The following CHD9 variants were observed in gnomAD, a reference collection of about 807,000 sequenced individuals.
The protein encoded by CHD9 is chromodomain helicase DNA binding protein 9, also known as ATP-dependent chromatin remodeler CHD9.
In CHD9, 77 loss-of-function variants were observed where a neutral mutation model predicts 316.1. That is an observed-to-expected ratio of 0.24 (90% CI 0.20 to 0.29). The LOEUF is 0.29. CHD9 is among the 10% of genes least tolerant of loss of function. The pLI is 1.00. For missense variants in CHD9, 2,763 were observed against 3,438.1 expected (o/e 0.80, Z 4.91); for synonymous variants, 1,129 against 1,158.3 (o/e 0.97, Z 0.51).
chr16:53,147,633 T>C (rs2152726328), intron 1 of CHD9, among the ~76,000 whole-genome samples: 1 of 152,372 alleles, frequency 6.6e-6, no homozygotes. Flanking sequence ...TGCCTGCTAA[T>C]ATCTCTGAAC....
intron 1 of CHD9, among the ~76,000 whole-genome samples, chr16:53,148,656 G>A (rs1196350878): frequency 6.6e-6 from 1 of 152,082 alleles, no homozygotes; most frequent in Non-Finnish European, 1.5e-5. Context: ...ATGAAATATC[G>A]AATGAAGTTC....
At chr16:53,168,362 C>T (rs1440345906) in intron 2 of CHD9, among the ~76,000 whole-genome samples, 2 of 152,072 alleles carry the variant, frequency 1.3e-5, no homozygotes, top group Non-Finnish European at 2.9e-5. Context: ...CACATCCAGC[C>T]TGCACAATAT....
intron 31 of CHD9, among the ~76,000 whole-genome samples, chr16:53,305,822 A>G (rs911990187): frequency 2.0e-5 from 3 of 152,212 alleles, no homozygotes; most frequent in African/African-American, 7.2e-5. Flanking sequence ...AACATGCCCA[A>G]TTCTAAGAGT....
At chr16:53,226,637 A>C in intron 5 of CHD9, 125 bp downstream of exon 5, 1 of 1,024,916 alleles carries the variant, frequency 9.8e-7, no homozygotes, top group East Asian at 2.8e-5. Context: ...ATTATTAGTT[A>C]ATTGAGTCAT....
intron 27 of CHD9, among the ~76,000 whole-genome samples, chr16:53,288,263 G>C (rs1018936259): frequency 3.9e-5 from 6 of 152,146 alleles, no homozygotes; most frequent in African/African-American, 1.4e-4. Context: ...TTGCCCACCT[G>C]CTCTACTTCT....
intron 2 of CHD9, among the ~76,000 whole-genome samples, chr16:53,195,295 A>G (rs1334988550): frequency 2.0e-5 from 3 of 152,206 alleles, no homozygotes; most frequent in African/African-American, 7.2e-5. Context: ...TTTGCATGTT[A>G]TTGAACTTTA....
intron 22 of CHD9, 66 bp downstream of exon 22, chr16:53,268,192 T>C (rs2051881062): frequency 6.5e-6 from 7 of 1,074,990 alleles, no homozygotes; most frequent in East Asian, 2.6e-5. Flanking sequence ...CTTAACATAT[T>C]CTCCTATAAA....
intron 1 of CHD9, among the ~76,000 whole-genome samples, chr16:53,108,830 G>A (rs560601738): frequency 1.3e-5 from 2 of 151,898 alleles, no homozygotes; most frequent in East Asian, 3.9e-4. Flanking sequence ...AGCTGAGATC[G>A]ATCCATTGCA....
Position 53,226,441 on chromosome 16 carries a change from G to C in CHD9, c.1972G>C (p.Val658Leu). ...AGAAGGGAAGCAATCTGAAGAAGAG[G>C]TTAAAGGTTCTATGAAAATAAAAAA... ...DIEGKQSEEE[V>L]KGSMKIKKNS... is the part of the protein sequence containing the mutation. The change falls in exon 5 of 39, where the codon GTT (valine) becomes CTT (leucine). Residue 658 changes from valine (V) to leucine (L), a missense_variant. By Grantham distance (32) the Val-to-Leu change is conservative (BLOSUM62 1). Around this residue, in one of 15 missense-constraint regions of CHD9, gnomAD observed 859 missense variants for 890.4 expected, o/e 0.96. Coordinates refer to ENST00000447540, the MANE Select transcript of CHD9 (RefSeq NM_001308319.2). 2 of 1,606,200 alleles carry C rather than the reference G, an allele frequency of 1.2e-6. No homozygotes were observed. The highest frequency in any genetic ancestry group is 2.2e-5 in the South Asian group (2 of 88,912).
intron 1 of CHD9, among the ~76,000 whole-genome samples, chr16:53,071,521 G>A (rs2034048086): frequency 6.6e-6 from 1 of 152,140 alleles, no homozygotes; most frequent in African/African-American, 2.4e-5. Flanking sequence ...TATTCCCTCA[G>A]GTGAGCCCTC....
intron 2 of CHD9, among the ~76,000 whole-genome samples, chr16:53,179,600 A>T (rs1567431616): frequency 6.6e-6 from 1 of 152,116 alleles, no homozygotes. Context: ...TCATTTAAAA[A>T]ATTAATAATT....
chr16:53,148,465 C>G (rs981820251), intron 1 of CHD9, among the ~76,000 whole-genome samples: 2 of 152,156 alleles, frequency 1.3e-5, no homozygotes, highest in Non-Finnish European at 2.9e-5. Flanking sequence ...ATTTTACATT[C>G]CTATGAGAAA....
intron 1 of CHD9, among the ~76,000 whole-genome samples, chr16:53,083,371 C>G (rs1431333915): frequency 6.6e-6 from 1 of 152,160 alleles, no homozygotes; most frequent in Non-Finnish European, 1.5e-5. Context: ...TTCTCATTTC[C>G]TGTATAAGGG....
rs1822878300 is a variant in CHD9 at position 53,222,875 on chromosome 16, G to A, written c.1896+120G>A. On this transcript the variant is annotated intron_variant, in intron 4 of 38. Coordinates refer to ENST00000447540, the MANE Select transcript of CHD9 (RefSeq NM_001308319.2). Reference sequence around the variant, plus strand: ...TAAAAATACATTTTGTAGTATGGTAGAAGTTGAAGGTAGCATTATTACAAT... The same window carrying A: ...TAAAAATACATTTTGTAGTATGGTAAAAGTTGAAGGTAGCATTATTACAAT... 9 of 559,944 alleles carry A rather than the reference G, an allele frequency of 1.6e-5. No individual in the cohort carries two copies. In the South Asian group the frequency reaches 2.2e-4, roughly 14 times the overall value. The allele number at this position is 559,944 out of a possible 1,614,324, so 34.7% of individuals were successfully genotyped here.
In CHD9 at chr16:53,308,811, A is replaced by T; in HGVS notation, c.7179A>T (p.Ser2393=). 1 of 1,613,896 alleles carries T rather than the reference A, an allele frequency of 6.2e-7. No individual in the cohort carries two copies. The highest frequency in any genetic ancestry group is 8.5e-7 in the Non-Finnish European group (1 of 1,179,826). ...GGCTTCGAGAGCTTCAAAGTGCATC[A>T]GAGACCAGCCTCGTCAATTTCCCAA... ...LTRLRELQSA[S]ETSLVNFPKS... Residue 2393 remains serine (S), a synonymous_variant, in exon 34 of 39, where the codon TCA becomes TCT. Coordinates refer to ENST00000447540, the MANE Select transcript of CHD9 (RefSeq NM_001308319.2).
chr16:53,063,973 A>T (rs1316691736), intron 1 of CHD9, among the ~76,000 whole-genome samples: 1 of 151,368 alleles, frequency 6.6e-6, no homozygotes, highest in Non-Finnish European at 1.5e-5. Context: ...AGCTGGGGGT[A>T]CAGACCTATG....
chr16:53,228,364 T>C (rs921245266), intron 7 of CHD9, among the ~76,000 whole-genome samples: 6 of 151,296 alleles, frequency 4.0e-5, no homozygotes, highest in Non-Finnish European at 5.9e-5. Context: ...GTTTTTTTTT[T>C]CCTGATCTTT....
chr16:53,073,312 T>C (rs545085737), intron 1 of CHD9, among the ~76,000 whole-genome samples: 1 of 152,326 alleles, frequency 6.6e-6, no homozygotes, highest in Admixed American at 6.5e-5. Flanking sequence ...ATGTCAGCAT[T>C]TCCTTCCTTT....
At chr16:53,224,887 T>C (rs1444823014) in intron 4 of CHD9, among the ~76,000 whole-genome samples, 1 of 152,158 alleles carries the variant, frequency 6.6e-6, no homozygotes, top group Non-Finnish European at 1.5e-5. Flanking sequence ...GTTTTCAAAA[T>C]AGGATGAAGG....
Sources: gnomAD v4.1 joint callset for allele counts (sites outside exome capture counted in the v4.1 genomes callset) on GRCh38, gnomAD v4.1.1 for gene constraint, gnomAD v4.1.1 regional missense constraint, MANE v1.5 for transcripts, NCBI Gene and HGNC (gene_info 2026-07-23, HGNC 2026-07-21) for gene names.